Variants in TLL1 observed in about 807,000 individuals in gnomAD.
TLL1 encodes the protein tolloid-like protein 1.
In TLL1, 49 loss-of-function variants were observed where a neutral mutation model predicts 128.2. The observed-to-expected ratio is 0.38, with a 90% CI of 0.30 to 0.48. TLL1 has a LOEUF of 0.48. Among genes scored for constraint, TLL1 ranks in the 20% least tolerant of loss-of-function variants. TLL1 has a pLI of 0.96. For missense variants in TLL1, 1,123 were observed against 1,242.0 expected (o/e 0.90, Z 1.44); for synonymous variants, 454 against 418.8 (o/e 1.08, Z -1.03).
chr4:166,084,911 T>TG (rs1016671906), intron 18 of TLL1, among the ~76,000 whole-genome samples: 4 of 150,040 alleles, frequency 2.7e-5, no homozygotes, highest in African/African-American at 1.0e-4. Context: ...CACATTTTAG[T>TG]GTTTTTTTTT....
At chr4:165,940,644 C>A (rs529093877) in intron 1 of TLL1, among the ~76,000 whole-genome samples, 2 of 151,964 alleles carry the variant, frequency 1.3e-5, no homozygotes, top group South Asian at 4.1e-4. Flanking sequence ...TTAATATGCA[C>A]ATATGCAAAG....
chr4:166,094,883 G>A (rs149840215), intron 19 of TLL1, among the ~76,000 whole-genome samples: 2,005 of 151,930 alleles, frequency 0.013, 26 homozygotes, highest in Non-Finnish European at 0.02. Flanking sequence ...ATCTGCTTTG[G>A]ACAATGTAAA....
chr4:166,099,198 A>G lies in TLL1; in HGVS notation c.2657-79A>G, dbSNP rs1742164616. The G allele has an allele frequency of 8.1e-6, 13 of 1,598,538 alleles. No individual in the cohort carries two copies. In the Admixed American group the frequency reaches 1.2e-4, roughly 14 times the overall value. On this transcript the variant is annotated intron_variant, in intron 19 of 20. Transcript: ENST00000061240. The stretch of plus-strand genomic sequence containing the variant: ...AGAAGTTAGACAATGGCTAGGCTAC[A>G]CTGAAACTACACTGAAATTTAAATT...
chr4:165,942,974 T>G (rs1561044149), intron 1 of TLL1, among the ~76,000 whole-genome samples: 1 of 152,116 alleles, frequency 6.6e-6, no homozygotes, highest in Non-Finnish European at 1.5e-5. Context: ...TTCAGTTAAT[T>G]GTTGAAAAGA....
chr4:166,046,759 C>A (rs538282597), intron 12 of TLL1, among the ~76,000 whole-genome samples: 28 of 152,246 alleles, frequency 1.8e-4, no homozygotes, highest in African/African-American at 5.8e-4. Context: ...TGTATTAATG[C>A]GTCTTTAAAC....
Position 165,978,477 on chromosome 4 carries a change from T to C in TLL1, c.170-10904T>C, listed in dbSNP as rs9998299. Among the ~76,000 whole-genome samples, 1,010 of 152,268 alleles carry C rather than the reference T, an allele frequency of 6.6e-3. 13 individuals carry two copies. The highest frequency in any genetic ancestry group is 0.023 in the African/African-American group (964 of 41,558). ...ATAACAGTTTTTGCTTTTTACACTT[T>C]ATCTTATAATACATACACAATCTCA... On this transcript the variant is annotated intron_variant, in intron 1 of 20. Transcript: ENST00000061240.
At chr4:165,971,806 A>T (rs1180869248) in intron 1 of TLL1, among the ~76,000 whole-genome samples, 1 of 152,212 alleles carries the variant, frequency 6.6e-6, no homozygotes, top group Non-Finnish European at 1.5e-5. Context: ...CCAGAGGTGA[A>T]ATAGTTGCTG....
chr4:165,873,881 C>T lies in TLL1; in HGVS notation c.-24C>T. The T allele has an allele frequency of 6.2e-7, 1 of 1,613,130 alleles. No homozygotes were observed. ...CTGCCTAACCTCTGGGTCCCGTCCC[C>T]TCCTTTTCCTCCGGGGGAGGAGGAT... On this transcript the variant is annotated 5_prime_UTR_variant, in exon 1 of 21. Coordinates refer to ENST00000061240, the MANE Select transcript of TLL1 (RefSeq NM_012464.5).
intron 1 of TLL1, among the ~76,000 whole-genome samples, chr4:165,931,230 C>T (rs1733496619): frequency 6.6e-6 from 1 of 152,064 alleles, no homozygotes; most frequent in African/African-American, 2.4e-5. Flanking sequence ...ATAATTAAAG[C>T]ATTAAAAATG....
At position 165,891,809 on chromosome 4, in the gene TLL1, A is replaced by G. The variant is rs577156010; in HGVS notation, c.169+17736A>G. Among the ~76,000 whole-genome samples, 7 of 152,210 alleles carry G rather than the reference A, an allele frequency of 4.6e-5. No individual in the cohort carries two copies. The South Asian group carries it at 1.0e-3, about 23-fold the overall frequency. The stretch of plus-strand genomic sequence containing the variant: ...TTTCTAAATTTTCCCACATTTTCCT[A>G]TCTTCTTCTGAGCCTTCCAACTTCT... On this transcript the variant is annotated intron_variant, in intron 1 of 20. Coordinates refer to ENST00000061240, the MANE Select transcript of TLL1 (RefSeq NM_012464.5).
At chr4:166,017,867 G>A (rs923191811) in intron 8 of TLL1, among the ~76,000 whole-genome samples, 1 of 152,016 alleles carries the variant, frequency 6.6e-6, no homozygotes, top group Admixed American at 6.6e-5. Flanking sequence ...TGACTTATCA[G>A]GATAAGGACA....
At chr4:165,982,705 T>A (rs2174142) in intron 1 of TLL1, among the ~76,000 whole-genome samples, 111,541 of 149,624 alleles carry the variant, frequency 0.75, 42,104 homozygotes, top group African/African-American at 0.86. Flanking sequence ...AGAAATGACC[T>A]TCCAGTGGGT....
At chr4:166,055,654 C>T (rs1043785042) in intron 13 of TLL1, among the ~76,000 whole-genome samples, 2 of 152,126 alleles carry the variant, frequency 1.3e-5, no homozygotes, top group African/African-American at 4.8e-5. Flanking sequence ...CCCTTTCAGA[C>T]TAGTATTCCC....
intron 1 of TLL1, among the ~76,000 whole-genome samples, chr4:165,933,991 C>T (rs184132616): frequency 2.6e-4 from 39 of 151,860 alleles, no homozygotes; most frequent in East Asian, 7.8e-4. Context: ...CCACTGGTGA[C>T]GTTCATCCTC....
Position 166,039,365 on chromosome 4 carries a change from T to G in TLL1, c.1185T>G (p.Asp395Glu). Residue 395 changes from aspartate to glutamate, a missense_variant, in exon 10 of 21, where the codon GAT becomes GAG. This residue lies in a region of TLL1 where 480 missense variants were observed against 542.4 expected (regional missense o/e 0.89). Coordinates refer to ENST00000061240, the MANE Select transcript of TLL1 (RefSeq NM_012464.5). ...TTGTTTTAAATTTTACAACGATGGA[T>G]CTATACAAGAGTAGTTTGTGCTGGT... ...EKIVLNFTTM[D>E]LYKSSLCWYD... 1 of 1,613,436 alleles carries G rather than the reference T, an allele frequency of 6.2e-7. No homozygotes were observed. The highest frequency in any genetic ancestry group is 8.5e-7 in the Non-Finnish European group (1 of 1,179,574).
intron 15 of TLL1, among the ~76,000 whole-genome samples, chr4:166,060,587 A>G (rs182174644): frequency 7.9e-5 from 12 of 152,298 alleles, no homozygotes; most frequent in African/African-American, 2.4e-4. Flanking sequence ...AAATGGGTAT[A>G]TTTACATTAT....
rs28428188 is a variant in TLL1, at chr4:165,983,140, A to G, written c.170-6241A>G. ...TATTTACTTTTACGTTTCTGGATCA[A>G]AGCACTTTTCTGTCAATGTTTTCTC... On this transcript the variant is annotated intron_variant, in intron 1 of 20. Transcript: ENST00000061240. Among the ~76,000 whole-genome samples, 1,004 of 151,996 alleles carry G rather than the reference A, an allele frequency of 6.6e-3. 12 individuals are homozygous for G. The highest frequency in any genetic ancestry group is 0.023 in the African/African-American group (959 of 41,526).
chr4:165,892,974 G>C (rs1365851537), intron 1 of TLL1, among the ~76,000 whole-genome samples: 1 of 152,122 alleles, frequency 6.6e-6, no homozygotes, highest in Non-Finnish European at 1.5e-5. Flanking sequence ...AATCCAAACT[G>C]TGCTTGCACT....
intron 16 of TLL1, 124 bp from the exon 17 acceptor site, chr4:166,074,753 TG>T: frequency 8.3e-7 from 1 of 1,202,664 alleles, no homozygotes; most frequent in African/African-American, 1.5e-5. Flanking sequence ...TGTTTTATGT[TG>T]GGAACAGGAG....
Sources: gnomAD v4.1 joint callset for allele counts (sites outside exome capture counted in the v4.1 genomes callset) on GRCh38, gnomAD v4.1.1 for gene constraint, gnomAD v4.1.1 regional missense constraint, MANE v1.5 for transcripts, NCBI Gene and HGNC (gene_info 2026-07-23, HGNC 2026-07-21) for gene names.